FMO3: variants seen among roughly 807,000 people sequenced by gnomAD.
FMO3 encodes flavin containing dimethylaniline monoxygenase 3.
FMO3 carries 40 observed loss-of-function variants against 39.4 expected under a neutral mutation model. That is an observed-to-expected ratio of 1.02 (90% CI 0.79 to 1.32). The LOEUF is 1.32. Ranked by LOEUF, FMO3 falls within the 40% of genes most tolerant of loss-of-function variation. The pLI, the probability that FMO3 is intolerant of heterozygous loss-of-function variation, is 0.00. For synonymous variants in FMO3, 219 were observed against 228.8 expected (o/e 0.96, Z 0.39); for missense variants, 680 against 651.8 (o/e 1.04, Z -0.47).
chr1:171,112,954 A>C (rs1290388398), intron 6 of FMO3, among the ~76,000 whole-genome samples: 2 of 152,222 alleles, frequency 1.3e-5, no homozygotes, highest in East Asian at 3.8e-4. Context: ...GATGACCTGG[A>C]AACAAAATGA....
At position 171,114,296 on chromosome 1, in the gene FMO3, C is replaced by CA. The variant is rs767079173; in HGVS notation, c.1118dup (p.Ser374ValfsTer10). The CA allele has an allele frequency of 6.8e-6, 11 of 1,613,800 alleles. No individual in the cohort carries two copies. The highest frequency in any genetic ancestry group is 9.3e-6 in the Non-Finnish European group (11 of 1,179,932). On this transcript the variant is annotated frameshift_variant, in exon 7 of 9. Transcript: ENST00000367755. LOFTEE classifies it high-confidence loss of function. ...AACCATAGCAGTGATTGGCTTTGTC[C>CA]AGTCCCTTGGGGCTGCCATTCCCAC...
intron 2 of FMO3, chr1:171,101,200 G>T (rs1175077456): frequency 6.6e-6 from 3 of 456,120 alleles, no homozygotes; most frequent in South Asian, 1.5e-5. Flanking sequence ...CTCTGAAAAT[G>T]AACATGGTAC....
chr1:171,117,281 C>G lies in FMO3; in HGVS notation c.1438C>G (p.Pro480Ala), dbSNP rs1300215746. ...TAGGCTGGTGGGCCCAGGGCAGTGG[C>G]CAGGAGCCAGAAATGCCATACTGAC... ...QFRLVGPGQW[P>A]GARNAILTQW... Residue 480 changes from proline (P) to alanine (A), a missense_variant, in exon 9 of 9, where the codon CCA becomes GCA. Pro to Ala is a conservative substitution (Grantham distance 27). Transcript: ENST00000367755. The G allele has an allele frequency of 3.1e-6, 5 of 1,614,162 alleles. No individual in the cohort carries two copies. The highest frequency in any genetic ancestry group is 4.2e-6 in the Non-Finnish European group (5 of 1,180,022).
chr1:171,115,567 T>C (rs1440260688), intron 7 of FMO3, among the ~76,000 whole-genome samples: 1 of 152,306 alleles, frequency 6.6e-6, no homozygotes, highest in South Asian at 2.1e-4. Context: ...CTCTTTCAAG[T>C]TGATACCAAG....
At chr1:171,096,418 TATATATA>T (rs1655058556) in intron 2 of FMO3, among the ~76,000 whole-genome samples, 1 of 102,556 alleles carries the variant, frequency 9.8e-6, no homozygotes, top group Admixed American at 1.6e-4. Context: ...TTATATATGT[TATATATA>T]ATATATATTA....
intron 2 of FMO3, chr1:171,101,069 A>G (rs1045239455): frequency 6.6e-6 from 3 of 455,852 alleles, no homozygotes; most frequent in African/African-American, 6.0e-5. Flanking sequence ...TCTATCTTTG[A>G]TGATGGCCAG....
chr1:171,110,931 G>T lies in FMO3; in HGVS notation c.761G>T (p.Trp254Leu). ...AATTTACCGACAGCCATCTCTGACT[G>T]GTTGTACGTGAAGCAGATGAATGCA... ...KNNLPTAISD[W>L]LYVKQMNARF... is the part of the protein sequence containing the mutation. Residue 254 changes from tryptophan to leucine, a missense_variant, in exon 6 of 9, where the codon TGG (tryptophan) becomes TTG (leucine). Coordinates refer to ENST00000367755, the MANE Select transcript of FMO3 (RefSeq NM_001002294.3). The T allele has an allele frequency of 6.2e-7, 1 of 1,613,978 alleles. No individual in the cohort carries two copies. The highest frequency in any genetic ancestry group is 8.5e-7 in the Non-Finnish European group (1 of 1,179,926).
chr1:171,101,943 AT>A (rs1655414402), intron 2 of FMO3: 4 of 349,796 alleles, frequency 1.1e-5, no homozygotes, highest in Non-Finnish European at 2.3e-5. Flanking sequence ...CTATGTATCA[AT>A]TTTTTTCTTT....
chr1:171,091,524 T>G (rs1464595640), intron 1 of FMO3, among the ~76,000 whole-genome samples: 13 of 152,094 alleles, frequency 8.5e-5, no homozygotes. Flanking sequence ...AACGTAATTT[T>G]CTTAGAGGGG....
rs1490049619 is a variant in FMO3 at position 171,100,774 on chromosome 1, G to C, written c.133-3011G>C. On this transcript the variant is annotated intron_variant, in intron 2 of 8. Coordinates refer to ENST00000367755, the MANE Select transcript of FMO3 (RefSeq NM_001002294.3). ...ATCCTTGGGAACCAGAGGATGGCCTGTAATAGGCTGAACAATTTAACAATG... is the reference window on the plus strand; with the variant it reads ...ATCCTTGGGAACCAGAGGATGGCCTCTAATAGGCTGAACAATTTAACAATG... 1.7e-5 allele frequency: 4 copies of C among 238,766 alleles called. No individual in the cohort carries two copies. The East Asian group carries it at 3.6e-4, about 21-fold the overall frequency. 14.8% of individuals were successfully genotyped at this position (238,766 alleles called of 1,614,324 possible).
intron 3 of FMO3, among the ~76,000 whole-genome samples, chr1:171,106,435 T>G (rs10797878): frequency 6.6e-6 from 1 of 151,864 alleles, no homozygotes; most frequent in Non-Finnish European, 1.5e-5. Flanking sequence ...CCACCATGCC[T>G]GGTCTTAGAA....
intron 2 of FMO3, among the ~76,000 whole-genome samples, chr1:171,094,726 T>A (rs1460969831): frequency 6.6e-6 from 1 of 152,202 alleles, no homozygotes; most frequent in Non-Finnish European, 1.5e-5. Flanking sequence ...ATTGTCAACT[T>A]TGCTGAAGAT....
Position 171,092,693 on chromosome 1 carries a change from T to C in FMO3, c.35T>C (p.Val12Ala). 1 of 1,614,156 alleles carries C rather than the reference T, an allele frequency of 6.2e-7. No homozygotes were observed. The highest frequency in any genetic ancestry group is 1.1e-5 in the South Asian group (1 of 91,088). Residue 12 changes from valine (V) to alanine (A), a missense_variant, in exon 2 of 9, where the codon GTG (valine) becomes GCG (alanine). Coordinates refer to ENST00000367755, the MANE Select transcript of FMO3 (RefSeq NM_001002294.3). ...GKKVAIIGAG[V>A]SGLASIRSCL... ...AAAGTGGCCATCATTGGAGCTGGTG[T>C]GAGTGGCTTGGCCTCCATCAGGAGC...
chr1:171,107,798 C>T lies in FMO3; in HGVS notation c.445C>T (p.His149Tyr), dbSNP rs1380236104. The T allele has an allele frequency of 7.4e-6, 12 of 1,613,814 alleles. No homozygotes were observed. The highest frequency in any genetic ancestry group is 1.7e-5 in the Admixed American group (1 of 59,970). The change falls in exon 4 of 9, where the codon CAT (histidine) becomes TAT (tyrosine). Residue 149 changes from histidine (H) to tyrosine (Y), a missense_variant. Coordinates refer to ENST00000367755, the MANE Select transcript of FMO3 (RefSeq NM_001002294.3). ...TGATGCTGTAATGGTTTGTTCCGGACATCATGTGTATCCCAACCTACCAAA... is the reference window on the plus strand; with the variant it reads ...TGATGCTGTAATGGTTTGTTCCGGATATCATGTGTATCCCAACCTACCAAA... Reference protein sequence around the residue: ...VFDAVMVCSGHHVYPNLPKES... With the variant: ...VFDAVMVCSGYHVYPNLPKES...
At chr1:171,092,940 T>C in intron 2 of FMO3, 150 bp downstream of exon 2, 1 of 863,646 alleles carries the variant, frequency 1.2e-6, no homozygotes, top group Non-Finnish European at 1.8e-6. Flanking sequence ...CAAGAGCAGG[T>C]TGGAAAGTAA....
intron 2 of FMO3, among the ~76,000 whole-genome samples, chr1:171,095,904 ATG>A (rs375096837): frequency 1.1e-3 from 1 of 884 alleles, no homozygotes; most frequent in East Asian, 0.031. Flanking sequence ...TAATTATAAT[ATG>A]TATAAATATA....
intron 2 of FMO3, chr1:171,100,179 C>CT (rs1256012421): frequency 6.6e-6 from 1 of 152,158 alleles, no homozygotes; most frequent in African/African-American, 2.4e-5. Context: ...GCTGATATGG[C>CT]TATTGAGAGG....
intron 2 of FMO3, among the ~76,000 whole-genome samples, chr1:171,096,553 TTATATATTAAATACATACTATACTTTATA>T (rs1557934349): frequency 0.011 from 1,102 of 97,702 alleles, 24 homozygotes; most frequent in South Asian, 0.022. Context: ...ATACTATACT[TTATATATTAAATACATACTATACTTTATA>T]TATTAAATAC....
At chr1:171,092,912 A>G (rs1654781425) in intron 2 of FMO3, 122 bp downstream of exon 2, 2 of 1,066,910 alleles carry the variant, frequency 1.9e-6, no homozygotes, top group East Asian at 5.1e-5. Flanking sequence ...TAGAATTGGA[A>G]TCCACTAAGT....
Sources: gnomAD v4.1 joint callset for allele counts (sites outside exome capture counted in the v4.1 genomes callset) on GRCh38, gnomAD v4.1.1 for gene constraint, MANE v1.5 for transcripts, NCBI Gene and HGNC (gene_info 2026-07-23, HGNC 2026-07-21) for gene names.